Variants in PDZD2 observed in about 807,000 individuals in gnomAD.
PDZD2 encodes the protein PDZ domain containing 2.
A neutral mutation model predicts 220.7 loss-of-function variants in PDZD2; 90 were observed. The observed-to-expected ratio is 0.41, with a 90% CI of 0.34 to 0.49. The LOEUF is 0.49. PDZD2 is among the 20% of genes least tolerant of loss of function. PDZD2 has a pLI of 0.28. For missense variants in PDZD2, 3,174 were observed against 3,608.5 expected (o/e 0.88, Z 3.08); for synonymous variants, 1,375 against 1,450.5 (o/e 0.95, Z 1.18).
At position 32,057,886 on chromosome 5, in the gene PDZD2, G is replaced by A. The variant is rs756045828; in HGVS notation, c.1983G>A (p.Arg661=). 2 of 1,611,142 alleles carry A rather than the reference G, an allele frequency of 1.2e-6. No homozygotes were observed. The highest frequency in any genetic ancestry group is 1.7e-6 in the Non-Finnish European group (2 of 1,177,568). ...QEAIHTFKQI[R]SGLFVLTVRT... ...CCTCACTGTTTTCTCAGCAAATCCG[G>A]AGTGGATTATTTGTTTTAACGGTAC... Residue 661 remains arginine, a synonymous_variant, in exon 12 of 25, where the codon CGG becomes CGA. Transcript: ENST00000438447.
chr5:32,066,508 T>C (rs1581410970), intron 14 of PDZD2, among the ~76,000 whole-genome samples: 1 of 152,222 alleles, frequency 6.6e-6, no homozygotes, highest in Non-Finnish European at 1.5e-5. Flanking sequence ...CTGGCTCTCT[T>C]TGCCTGAAGG....
intron 2 of PDZD2, among the ~76,000 whole-genome samples, chr5:31,883,668 G>A (rs1740156091): frequency 6.6e-6 from 1 of 150,526 alleles, no homozygotes; most frequent in Admixed American, 6.6e-5. Flanking sequence ...ACCCAGGCTG[G>A]AGTGCAGTGG....
chr5:31,788,557 C>T (rs773203567), intron 1 of PDZD2, among the ~76,000 whole-genome samples: 3 of 151,032 alleles, frequency 2.0e-5, no homozygotes, highest in African/African-American at 4.9e-5. Context: ...CCCAGCTGCT[C>T]GGGGAAGCTG....
At chr5:31,651,612 G>A (rs1580517763) in intron 1 of PDZD2, among the ~76,000 whole-genome samples, 3 of 150,208 alleles carry the variant, frequency 2.0e-5, no homozygotes, top group African/African-American at 7.5e-5. Flanking sequence ...CGCTAGGATA[G>A]TTGGACTTGC....
intron 2 of PDZD2, among the ~76,000 whole-genome samples, chr5:31,878,737 A>G (rs1011418620): frequency 2.7e-5 from 4 of 150,208 alleles, no homozygotes; most frequent in African/African-American, 9.8e-5. Context: ...ATTTTTTTGT[A>G]TTTTTAGTAG....
At chr5:31,900,737 C>CCATCT (rs1742019939) in intron 2 of PDZD2, among the ~76,000 whole-genome samples, 1 of 152,176 alleles carries the variant, frequency 6.6e-6, no homozygotes, top group African/African-American at 2.4e-5. Context: ...AGTCCTGAAG[C>CCATCT]CATCTCTAGA....
chr5:32,052,652 G>C lies in PDZD2; in HGVS notation c.1707G>C (p.Thr569=). ...AGAAGTCTACCCGCTCCTTAAGCACGACTCAGGTGGAATCTCCTTGGAGGC... is the reference window on the plus strand; with the variant it reads ...AGAAGTCTACCCGCTCCTTAAGCACCACTCAGGTGGAATCTCCTTGGAGGC... ...IVKKSTRSLS[T]TQVESPWRLI... Residue 569 remains threonine, a synonymous_variant, in exon 9 of 25, where the codon ACG becomes ACC. Transcript: ENST00000438447. 1 of 1,613,596 alleles carries C rather than the reference G, an allele frequency of 6.2e-7. No individual in the cohort carries two copies. Among genetic ancestry groups the C allele is most frequent in the South Asian group, 1.1e-5 (1 of 91,062 alleles).
intron 3 of PDZD2, among the ~76,000 whole-genome samples, chr5:31,991,669 G>A (rs1431136177): frequency 6.6e-6 from 1 of 152,142 alleles, no homozygotes; most frequent in African/African-American, 2.4e-5. Context: ...ACAAGTTTTA[G>A]CCTAGTAAAT....
At chr5:32,006,227 G>C (rs1203405040) in intron 5 of PDZD2, among the ~76,000 whole-genome samples, 1 of 151,428 alleles carries the variant, frequency 6.6e-6, no homozygotes, top group African/African-American at 2.4e-5. Context: ...TTGCCTTATG[G>C]TTATCACAGT....
Position 31,639,154 on chromosome 5 carries a change from A to T in PDZD2, c.-644A>T, listed in dbSNP as rs888670613. 6.6e-6 allele frequency among the ~76,000 whole-genome samples: 1 copy of T among 151,942 alleles called. No homozygotes were observed. Among genetic ancestry groups the T allele is most frequent in the African/African-American group, 2.4e-5 (1 of 41,406 alleles). ...TGGAGGCTCGGCGGATCCCCTGCGC[A>T]GCGAGGCGAGGAGCGGACCCCAGCG... On this transcript the variant is annotated 5_prime_UTR_variant, in exon 1 of 25. Coordinates refer to ENST00000438447, the MANE Select transcript of PDZD2 (RefSeq NM_178140.4). The surrounding 1 kb of genome is among the most constrained non-coding windows in gnomAD (Gnocchi z 4.1).
At chr5:32,068,459 C>G (rs962744834) in intron 14 of PDZD2, among the ~76,000 whole-genome samples, 1 of 152,208 alleles carries the variant, frequency 6.6e-6, no homozygotes. Flanking sequence ...CATAGTTCAG[C>G]TGACATTTTT....
chr5:31,736,717 G>A (rs1749882962), intron 1 of PDZD2, among the ~76,000 whole-genome samples: 1 of 152,156 alleles, frequency 6.6e-6, no homozygotes, highest in Non-Finnish European at 1.5e-5. Context: ...TGATAGTGTG[G>A]ATATTTGTCC....
Position 32,071,408 on chromosome 5 carries a change from T to C in PDZD2, c.2558T>C (p.Leu853Pro). ...GGTACCCCCTTGAAGAGTCCCTCTC[T>C]TGCAAAAAAGGTGAGTCAAGGTGAA... ...GLGTPLKSPS[L>P]AKKDSLISES... Residue 853 changes from leucine to proline, a missense_variant, in exon 16 of 25, where the codon CTT (leucine) becomes CCT (proline). This residue lies in a region of PDZD2 where 1,861 missense variants were observed against 2,001.0 expected (regional missense o/e 0.93). Transcript: ENST00000438447. 4 of 1,610,806 alleles carry C rather than the reference T, an allele frequency of 2.5e-6. No homozygotes were observed. Among genetic ancestry groups the C allele is most frequent in the Non-Finnish European group, 3.4e-6 (4 of 1,177,010 alleles).
At chr5:32,001,733 C>CTCTG (rs1752121588) in intron 5 of PDZD2, among the ~76,000 whole-genome samples, 1 of 152,292 alleles carries the variant, frequency 6.6e-6, no homozygotes, top group East Asian at 1.9e-4. Flanking sequence ...AGGCGTTGAC[C>CTCTG]TCTGGTGTGT....
chr5:31,952,381 A>C (rs141203798), intron 2 of PDZD2, among the ~76,000 whole-genome samples: 2 of 152,382 alleles, frequency 1.3e-5, no homozygotes, highest in African/African-American at 4.8e-5. Flanking sequence ...CATTAGAAGA[A>C]AATCTTGGAT....
chr5:31,841,886 G>A (rs756761963), intron 2 of PDZD2, among the ~76,000 whole-genome samples: 5 of 151,434 alleles, frequency 3.3e-5, no homozygotes, highest in Non-Finnish European at 5.9e-5. Flanking sequence ...CAGGAGAATC[G>A]CTTGAACCTG....
chr5:32,020,282 C>T (rs573395815), intron 6 of PDZD2, among the ~76,000 whole-genome samples: 7 of 152,106 alleles, frequency 4.6e-5, no homozygotes, highest in Admixed American at 3.9e-4. Context: ...GGATTACAGG[C>T]GTGAGCCACC....
intron 7 of PDZD2, among the ~76,000 whole-genome samples, chr5:32,043,587 G>A (rs1331041103): frequency 1.3e-5 from 2 of 152,216 alleles, no homozygotes; most frequent in Admixed American, 6.5e-5. Flanking sequence ...AAAAGCCCTC[G>A]CCATGAGGCG....
chr5:31,891,952 C>G (rs1741085946), intron 2 of PDZD2, among the ~76,000 whole-genome samples: 1 of 152,122 alleles, frequency 6.6e-6, no homozygotes, highest in South Asian at 2.1e-4. Context: ...ACCCTGTTGC[C>G]CAGGCTGGAC....
Sources: gnomAD v4.1 joint callset for allele counts (sites outside exome capture counted in the v4.1 genomes callset) on GRCh38, gnomAD v4.1.1 for gene constraint, gnomAD v4.1.1 regional missense constraint, Gnocchi (gnomAD v3.1) non-coding constraint, MANE v1.5 for transcripts, NCBI Gene and HGNC (gene_info 2026-07-23, HGNC 2026-07-21) for gene names.